Variants in AFG2A observed in about 807,000 individuals in gnomAD.
AFG2A encodes the protein ATPase family gene 2 protein homolog A.
chr4:123,205,704 T>A, the AFG2A span, among the ~76,000 whole-genome samples: 2 of 152,176 alleles, frequency 1.3e-5, no homozygotes, highest in East Asian at 3.9e-4. Flanking sequence ...TTGGAACCAA[T>A]CCTCTGCAGA....
At chr4:123,063,419 A>G in the AFG2A span, among the ~76,000 whole-genome samples, 1 of 152,168 alleles carries the variant, frequency 6.6e-6, no homozygotes, top group African/African-American at 2.4e-5. Flanking sequence ...AGATCAAATC[A>G]TATAATTAGT....
the AFG2A span, among the ~76,000 whole-genome samples, chr4:123,041,600 C>T: frequency 0.019 from 2,890 of 151,984 alleles, 89 homozygotes; most frequent in African/African-American, 0.065. Flanking sequence ...GGCGTGATCT[C>T]GGCTCACAGC....
chr4:123,306,455 A>AT, the AFG2A span, among the ~76,000 whole-genome samples: 1 of 151,594 alleles, frequency 6.6e-6, no homozygotes, highest in Admixed American at 6.6e-5. Flanking sequence ...CCACTCTGCT[A>AT]TTTTTTTGTC....
chr4:122,936,289 A>G, the AFG2A span: 406 of 461,030 alleles, frequency 8.8e-4, 2 homozygotes, highest in African/African-American at 7.2e-3. Flanking sequence ...TAGATTATAG[A>G]TCTAATGAAA....
the AFG2A span, among the ~76,000 whole-genome samples, chr4:123,047,397 A>T: frequency 1.3e-5 from 2 of 151,834 alleles, no homozygotes; most frequent in Admixed American, 1.3e-4. Context: ...TCTTTTGCGC[A>T]TTTTTTTATT....
At chr4:123,273,256 G>A in the AFG2A span, among the ~76,000 whole-genome samples, 6 of 151,988 alleles carry the variant, frequency 3.9e-5, no homozygotes, top group African/African-American at 9.7e-5. Flanking sequence ...TACATTATGC[G>A]TAGTATAATA....
the AFG2A span, chr4:122,927,663 A>G: frequency 6.2e-7 from 1 of 1,611,870 alleles, no homozygotes; most frequent in Non-Finnish European, 8.5e-7. Flanking sequence ...AACATTCCAG[A>G]ATTCCCTTAT....
the AFG2A span, among the ~76,000 whole-genome samples, chr4:123,018,759 G>C: frequency 2.6e-4 from 39 of 151,056 alleles, no homozygotes; most frequent in South Asian, 6.5e-3. Flanking sequence ...TCAGCCTCTT[G>C]AGTAGCTGGG....
At chr4:123,238,267 C>A in the AFG2A span, among the ~76,000 whole-genome samples, 1 of 152,212 alleles carries the variant, frequency 6.6e-6, no homozygotes, top group African/African-American at 2.4e-5. Flanking sequence ...GAACAAAAGG[C>A]AGCAGTAACT....
At chr4:122,966,222 G>GA in the AFG2A span, among the ~76,000 whole-genome samples, 2 of 152,280 alleles carry the variant, frequency 1.3e-5, no homozygotes, top group South Asian at 4.1e-4. Context: ...GAGTGGGAAA[G>GA]AATCTGAAGG....
chr4:123,302,184 T>C, the AFG2A span, among the ~76,000 whole-genome samples: 23 of 152,292 alleles, frequency 1.5e-4, no homozygotes, highest in African/African-American at 5.1e-4. Flanking sequence ...CACTCTAGAC[T>C]TGGGGAGGAG....
At chr4:123,128,203 G>T in the AFG2A span, among the ~76,000 whole-genome samples, 3 of 152,238 alleles carry the variant, frequency 2.0e-5, no homozygotes, top group East Asian at 5.8e-4. Flanking sequence ...ATTTTAAAAT[G>T]ACAGCTCTGA....
At chr4:123,028,296 A>G in the AFG2A span, 1 of 1,614,060 alleles carries the variant, frequency 6.2e-7, no homozygotes, top group East Asian at 2.2e-5. Flanking sequence ...GTATTCAGCC[A>G]CCTAAAGGAG....
At chr4:123,010,881 C>T in the AFG2A span, among the ~76,000 whole-genome samples, 1 of 152,226 alleles carries the variant, frequency 6.6e-6, no homozygotes, top group South Asian at 2.1e-4. Flanking sequence ...TGGTTCTGTA[C>T]CAGTAAACTC....
chr4:123,223,385 T>G, the AFG2A span, among the ~76,000 whole-genome samples: 1 of 152,144 alleles, frequency 6.6e-6, no homozygotes. Context: ...TAATTTGGGT[T>G]GTATTGGTCC....
the AFG2A span, among the ~76,000 whole-genome samples, chr4:122,981,922 C>T: frequency 2.0e-5 from 3 of 150,574 alleles, no homozygotes; most frequent in East Asian, 3.9e-4. Context: ...TTTAGGGTTT[C>T]CTTTATATAA....
At chr4:122,941,104 T>G in the AFG2A span, among the ~76,000 whole-genome samples, 2 of 150,030 alleles carry the variant, frequency 1.3e-5, no homozygotes, top group African/African-American at 4.9e-5. Flanking sequence ...TAGGATTGAC[T>G]TGGTGATGCG....
At chr4:123,311,197 A>G in the AFG2A span, among the ~76,000 whole-genome samples, 2 of 152,214 alleles carry the variant, frequency 1.3e-5, no homozygotes, top group Non-Finnish European at 2.9e-5. Context: ...AAATGTTGAC[A>G]TATACTAGAG....
the AFG2A span, among the ~76,000 whole-genome samples, chr4:123,228,800 C>T: frequency 1.1e-4 from 17 of 152,088 alleles, 2 homozygotes; most frequent in South Asian, 3.5e-3. Context: ...AGCCATGTCT[C>T]CTCTTACTAT....
Sources: gnomAD v4.1 joint callset for allele counts (sites outside exome capture counted in the v4.1 genomes callset) on GRCh38, gnomAD v4.1.1 for gene constraint, MANE v1.5 for transcripts, NCBI Gene and HGNC (gene_info 2026-07-23, HGNC 2026-07-21) for gene names.